The following MTSS1 variants were observed in gnomAD, a reference collection of about 807,000 sequenced individuals.
MTSS1 encodes the protein MTSS I-BAR domain containing 1.
A neutral mutation model predicts 79.0 loss-of-function variants in MTSS1; 18 were observed. That is an observed-to-expected ratio of 0.23 (90% confidence interval 0.16 to 0.34). The LOEUF is 0.34. MTSS1 is among the 10% of genes least tolerant of loss of function. The probability of loss-of-function intolerance (pLI) is 1.00; values close to 1 mark genes in which losing one functional copy is unlikely to be tolerated. For missense variants in MTSS1, 815 were observed against 986.2 expected, an observed-to-expected ratio of 0.83 and a Z score of 2.33; for synonymous variants, 341 against 368.6, an observed-to-expected ratio of 0.93 and a Z score of 0.86.
intron 3 of MTSS1, among the ~76,000 whole-genome samples, chr8:124,655,167 G>A (rs74875691): frequency 0.015 from 2,215 of 152,294 alleles, 27 homozygotes; most frequent in Non-Finnish European, 0.023. Flanking sequence ...AACTGCTGTC[G>A]GGGCTCAGGC....
At chr8:124,640,866 A>G (rs916265348) in intron 3 of MTSS1, among the ~76,000 whole-genome samples, 2 of 151,942 alleles carry the variant, frequency 1.3e-5, no homozygotes, top group Admixed American at 1.3e-4. Context: ...TTTTACCTAC[A>G]CCATCCCCTC....
intron 4 of MTSS1, among the ~76,000 whole-genome samples, chr8:124,590,098 G>A (rs765444285): frequency 1.3e-5 from 2 of 152,150 alleles, no homozygotes; most frequent in Admixed American, 6.5e-5. Flanking sequence ...CTCATGAGCC[G>A]CCTGCCTTGG....
At chr8:124,716,450 A>G (rs1832001641) in intron 1 of MTSS1, among the ~76,000 whole-genome samples, 1 of 152,194 alleles carries the variant, frequency 6.6e-6, no homozygotes, top group Non-Finnish European at 1.5e-5. Context: ...AGCTCCCTAC[A>G]TACTTCAAGA....
At chr8:124,705,025 G>T (rs1359597530) in intron 1 of MTSS1, among the ~76,000 whole-genome samples, 1 of 152,070 alleles carries the variant, frequency 6.6e-6, no homozygotes, top group East Asian at 1.9e-4. Context: ...AGTCTGACAG[G>T]GCAAAGCAGG....
intron 3 of MTSS1, among the ~76,000 whole-genome samples, chr8:124,660,296 G>A (rs377239723): frequency 3.3e-5 from 5 of 152,110 alleles, no homozygotes; most frequent in Admixed American, 1.3e-4. Flanking sequence ...CTGTGCCACA[G>A]AAACAGGGGC....
At chr8:124,611,581 C>T (rs1835831098) in intron 3 of MTSS1, among the ~76,000 whole-genome samples, 1 of 152,108 alleles carries the variant, frequency 6.6e-6, no homozygotes, top group Non-Finnish European at 1.5e-5. Flanking sequence ...CCTCAGCTCA[C>T]CACCCACCTC....
At chr8:124,713,573 A>AC (rs1039337913) in intron 1 of MTSS1, among the ~76,000 whole-genome samples, 9 of 152,034 alleles carry the variant, frequency 5.9e-5, no homozygotes, top group Admixed American at 4.6e-4. Context: ...ATAGGCATGC[A>AC]CCACCACGTC....
At chr8:124,612,249 G>C (rs77878783) in intron 3 of MTSS1, among the ~76,000 whole-genome samples, 2,275 of 152,300 alleles carry the variant, frequency 0.015, 52 homozygotes, top group African/African-American at 0.051. Context: ...AGGACAAAGA[G>C]TGGGGCAATG....
intron 3 of MTSS1, among the ~76,000 whole-genome samples, chr8:124,680,613 G>C (rs781559780): frequency 1.1e-4 from 16 of 152,218 alleles, no homozygotes; most frequent in Admixed American, 2.0e-4. Context: ...TCATGTACCT[G>C]CTATACCAAT....
chr8:124,562,740 A>T (rs367758685), intron 10 of MTSS1, 42 bp downstream of exon 10: 41 of 1,573,244 alleles, frequency 2.6e-5, no homozygotes, highest in Non-Finnish European at 3.3e-5. Context: ...TGGTCAGGAC[A>T]CCAGGTGTGA....
intron 6 of MTSS1, among the ~76,000 whole-genome samples, chr8:124,579,446 G>A (rs1280434578): frequency 3.9e-5 from 6 of 152,148 alleles, no homozygotes; most frequent in African/African-American, 1.2e-4. Context: ...AGTGGCGATG[G>A]TTGCATAACA....
At chr8:124,656,993 G>C (rs1037257059) in intron 3 of MTSS1, among the ~76,000 whole-genome samples, 2 of 152,004 alleles carry the variant, frequency 1.3e-5, no homozygotes, top group Non-Finnish European at 2.9e-5. Flanking sequence ...AAACAGGAAG[G>C]CTGTAATAAA....
chr8:124,606,164 G>GTTT (rs199611609), intron 3 of MTSS1, among the ~76,000 whole-genome samples: 3 of 106,056 alleles, frequency 2.8e-5, no homozygotes, highest in Admixed American at 9.4e-5. Context: ...TCTGTGTTTG[G>GTTT]TTTTTTGTTT....
chr8:124,603,299 T>C (rs1834246425), intron 3 of MTSS1, among the ~76,000 whole-genome samples: 1 of 152,160 alleles, frequency 6.6e-6, no homozygotes, highest in African/African-American at 2.4e-5. Flanking sequence ...GTGCTGGGAT[T>C]ACAGGTGTGA....
At position 124,605,903 on chromosome 8, in the gene MTSS1, T is replaced by A. The variant is rs538632055; in HGVS notation, c.209-14668A>T. Among the ~76,000 whole-genome samples, 15 of 152,246 alleles carry A rather than the reference T, an allele frequency of 9.9e-5. No homozygotes were observed. The South Asian group carries it at 2.9e-3, about 29-fold the overall frequency. ...ACAAACCCTTGCAGGAATGTTGTAT[T>A]CATTTTTTTAAAATCTCATTATACT... On this transcript the variant is annotated intron_variant, in intron 3 of 13. Transcript: ENST00000518547.
chr8:124,664,688 C>T (rs1056677522), intron 3 of MTSS1, among the ~76,000 whole-genome samples: 22 of 152,196 alleles, frequency 1.4e-4, no homozygotes, highest in African/African-American at 4.8e-4. Flanking sequence ...AAATCCGCAA[C>T]GAGAGCACTT....
At chr8:124,707,569 C>CGT (rs1830567825) in intron 1 of MTSS1, among the ~76,000 whole-genome samples, 1 of 151,978 alleles carries the variant, frequency 6.6e-6, no homozygotes, top group Non-Finnish European at 1.5e-5. Flanking sequence ...ATTAGCTGGG[C>CGT]GTGGTAGCAG....
At chr8:124,721,437 G>A (rs1224552507) in intron 1 of MTSS1, among the ~76,000 whole-genome samples, 1 of 96,780 alleles carries the variant, frequency 1.0e-5, no homozygotes, top group African/African-American at 3.8e-5. Flanking sequence ...TTGAGACAGA[G>A]TCTCATTCTG....
chr8:124,608,296 C>A (rs1835198896), intron 3 of MTSS1, among the ~76,000 whole-genome samples: 1 of 152,216 alleles, frequency 6.6e-6, no homozygotes, highest in Non-Finnish European at 1.5e-5. Context: ...CAATGAATGA[C>A]TGAAACCTGA....
Sources: gnomAD v4.1 joint callset for allele counts (sites outside exome capture counted in the v4.1 genomes callset) on GRCh38, gnomAD v4.1.1 for gene constraint, MANE v1.5 for transcripts, NCBI Gene and HGNC (gene_info 2026-07-23, HGNC 2026-07-21) for gene names.